The following CWC27 variants were observed in gnomAD, a reference collection of about 807,000 sequenced individuals.
CWC27 encodes CWC27 spliceosome associated cyclophilin.
A neutral mutation model predicts 63.6 loss-of-function variants in CWC27; 47 were observed. The observed-to-expected ratio is 0.74, with a 90% CI of 0.58 to 0.94. CWC27 has a LOEUF of 0.94. Ranked by LOEUF, CWC27 falls within the 40% of genes least tolerant of loss-of-function variation. The pLI is 0.00. For synonymous variants in CWC27, 175 were observed against 179.8 expected, an observed-to-expected ratio of 0.97 and a Z score of 0.22; for missense variants, 495 against 554.3, an observed-to-expected ratio of 0.89 and a Z score of 1.07.
At chr5:64,931,617 T>A (rs191481451) in intron 11 of CWC27, among the ~76,000 whole-genome samples, 166 of 152,122 alleles carry the variant, frequency 1.1e-3, no homozygotes, top group Middle Eastern at 0.01. Context: ...TTAAGTCCCC[T>A]GTATACTTTC....
rs1444503294 is a variant in CWC27 at position 64,990,323 on chromosome 5, G to A, written c.1256+13085G>A. On this transcript the variant is annotated intron_variant, in intron 13 of 13. Transcript: ENST00000381070. ...TCTATCACCCAGGCTGGAGTGCAGT[G>A]GCGGGATCTCGGCTCACTGCAAGCT... is the stretch of plus-strand genomic sequence containing the variant. 7.4e-5 allele frequency among the ~76,000 whole-genome samples: 3 copies of A among 40,716 alleles called. 1 individual carries two copies. Among genetic ancestry groups the A allele is most frequent in the African/African-American group, 3.2e-4 (3 of 9,316 alleles). The allele number at this position is 40,716 out of a possible 152,430, so 26.7% of individuals were successfully genotyped here.
At chr5:64,957,767 G>A (rs1165422086) in intron 11 of CWC27, among the ~76,000 whole-genome samples, 1 of 152,052 alleles carries the variant, frequency 6.6e-6, no homozygotes, top group African/African-American at 2.4e-5. Context: ...ACTGCCCATG[G>A]GTTAACCCTG....
intron 7 of CWC27, among the ~76,000 whole-genome samples, chr5:64,793,141 G>T (rs1411114809): frequency 6.6e-6 from 1 of 152,024 alleles, no homozygotes; most frequent in Non-Finnish European, 1.5e-5. Context: ...GCCTTTTTGG[G>T]TAGGAAGCCA....
At chr5:64,775,370 T>G (rs1406980709) in intron 2 of CWC27, among the ~76,000 whole-genome samples, 1 of 152,160 alleles carries the variant, frequency 6.6e-6, no homozygotes, top group Non-Finnish European at 1.5e-5. Flanking sequence ...CTTTTCTCTC[T>G]TCCTTGTTTA....
At position 64,990,251 on chromosome 5, in the gene CWC27, GTTTTTTTTTTT is replaced by G. The variant is rs1217198416; in HGVS notation, c.1256+13017_1256+13027del. On this transcript the variant is annotated intron_variant, in intron 13 of 13. Coordinates refer to ENST00000381070, the MANE Select transcript of CWC27 (RefSeq NM_005869.4). ...TAGAGTTTTTATTTGTTTTTTTTTT[GTTTTTTTTTTT>G]TTTGTTTTTTTTTTTTTTTTGAGAC... is the stretch of plus-strand genomic sequence containing the variant. Among the ~76,000 whole-genome samples the G allele has an allele frequency of 8.9e-4, 24 of 26,968 alleles. 7 individuals are homozygous for G. The highest frequency in any genetic ancestry group is 3.8e-3 in the South Asian group (3 of 794). 17.7% of individuals were successfully genotyped at this position (26,968 alleles called of 152,430 possible). A position where few individuals can be genotyped will look rare whatever the true frequency, so the allele number is the denominator to read the frequency against.
chr5:64,909,273 G>A (rs773147068), intron 11 of CWC27, among the ~76,000 whole-genome samples: 5 of 152,066 alleles, frequency 3.3e-5, no homozygotes, highest in Non-Finnish European at 7.4e-5. Flanking sequence ...CTGCTGAGAG[G>A]TTTCAGTGGA....
chr5:64,783,583 A>T (rs1743772981), intron 3 of CWC27, among the ~76,000 whole-genome samples: 1 of 152,152 alleles, frequency 6.6e-6, no homozygotes, highest in Admixed American at 6.6e-5. Context: ...CCCCTTGGGT[A>T]CTCTTCCTTT....
intron 7 of CWC27, among the ~76,000 whole-genome samples, chr5:64,799,584 C>CAA (rs1339432735): frequency 7.6e-5 from 6 of 78,872 alleles, no homozygotes; most frequent in African/African-American, 2.3e-4. Flanking sequence ...GACTCCATCT[C>CAA]AAAATATATA....
chr5:64,878,443 T>C (rs1746848504), intron 10 of CWC27, among the ~76,000 whole-genome samples: 1 of 119,288 alleles, frequency 8.4e-6, no homozygotes, highest in Middle Eastern at 7.4e-3. Context: ...AAGCACCAGG[T>C]AGTCAGCACT....
At chr5:64,833,968 C>G (rs960684414) in intron 10 of CWC27, among the ~76,000 whole-genome samples, 1 of 151,270 alleles carries the variant, frequency 6.6e-6, no homozygotes, top group Non-Finnish European at 1.5e-5. Flanking sequence ...TGAAATTGTT[C>G]TGTTAGAATA....
chr5:64,837,031 C>T (rs1051153727), intron 10 of CWC27, among the ~76,000 whole-genome samples: 1 of 151,976 alleles, frequency 6.6e-6, no homozygotes, highest in Non-Finnish European at 1.5e-5. Context: ...CACTTCATAC[C>T]CACCAAATGT....
At chr5:64,918,546 T>C (rs1379306250) in intron 11 of CWC27, among the ~76,000 whole-genome samples, 2 of 152,128 alleles carry the variant, frequency 1.3e-5, no homozygotes, top group Non-Finnish European at 2.9e-5. Flanking sequence ...TATATACAAC[T>C]GTTGTATATA....
intron 10 of CWC27, among the ~76,000 whole-genome samples, chr5:64,884,840 A>ATTAT (rs1278629023): frequency 4.6e-5 from 7 of 152,232 alleles, no homozygotes; most frequent in African/African-American, 1.7e-4. Context: ...GTTTGTCTTT[A>ATTAT]ACACATGATT....
intron 13 of CWC27, 75 bp downstream of exon 13, chr5:64,977,313 C>G: frequency 1.1e-6 from 1 of 930,868 alleles, no homozygotes; most frequent in East Asian, 2.8e-5. Context: ...GGCATTTCCA[C>G]TATATCATCC....
At chr5:64,969,456 C>T (rs964513181) in intron 11 of CWC27, among the ~76,000 whole-genome samples, 5 of 152,074 alleles carry the variant, frequency 3.3e-5, no homozygotes, top group Admixed American at 3.3e-4. Flanking sequence ...ACAGGAGATT[C>T]CAGGTGCATG....
chr5:64,883,333 G>A (rs1053273495), intron 10 of CWC27, among the ~76,000 whole-genome samples: 3 of 150,508 alleles, frequency 2.0e-5, no homozygotes, highest in African/African-American at 2.5e-5. Context: ...GTTAATCTAC[G>A]CAGAAATTTG....
chr5:64,834,654 T>C (rs1467798779), intron 10 of CWC27, among the ~76,000 whole-genome samples: 1 of 151,758 alleles, frequency 6.6e-6, no homozygotes, highest in Non-Finnish European at 1.5e-5. Flanking sequence ...CTTCCTTGTC[T>C]TTCTGCTGTT....
chr5:64,961,211 A>G (rs1748902502), intron 11 of CWC27, among the ~76,000 whole-genome samples: 1 of 152,192 alleles, frequency 6.6e-6, no homozygotes, highest in Admixed American at 6.5e-5. Flanking sequence ...GAGTTGGAAT[A>G]CAAGTTTTAG....
chr5:64,903,172 G>A (rs1012864108), intron 11 of CWC27, among the ~76,000 whole-genome samples: 6 of 152,038 alleles, frequency 3.9e-5, no homozygotes, highest in East Asian at 1.9e-4. Context: ...ATCCCATTAC[G>A]GGGTATATAC....
Sources: allele counts gnomAD v4.1 joint callset (sites outside exome capture counted in the v4.1 genomes callset), GRCh38; gene constraint gnomAD v4.1.1; transcripts MANE v1.5; gene names NCBI Gene and HGNC (gene_info 2026-07-23, HGNC 2026-07-21).